CDHR1: variants seen among roughly 807,000 people sequenced by gnomAD.
CDHR1 encodes cadherin-related family member 1.
Under a neutral mutation model 72.1 loss-of-function variants are expected in CDHR1, and 61 were observed. That is an observed-to-expected ratio of 0.85 (90% CI 0.69 to 1.05). The LOEUF is 1.05. Among genes scored for constraint, CDHR1 ranks in the 50% least tolerant of loss-of-function variants. The pLI, the probability that CDHR1 is intolerant of heterozygous loss-of-function variation, is 0.00. For missense variants in CDHR1, 1,186 were observed against 1,115.7 expected (o/e 1.06, Z -0.90); for synonymous variants, 470 against 448.1 (o/e 1.05, Z -0.62).
In CDHR1 at chr10:84,217,561, G is replaced by T; in HGVS notation, c.*2940G>T. ...ACAGGGTGCAAAGTATGGTTGCAGA[G>T]AGGATGAAAAGATCTAATATATGTA... is the stretch of plus-strand genomic sequence containing the variant. On this transcript the variant is annotated 3_prime_UTR_variant, in exon 17 of 17. Transcript: ENST00000623527. 1.0e-6 allele frequency: 1 copy of T among 983,818 alleles called. No homozygotes were observed. The allele number at this position is 983,818 out of a possible 1,614,324, so 60.9% of individuals were successfully genotyped here.
rs1842432747 is a variant in CDHR1, at chr10:84,216,818, G to A, written c.*2197G>A. On this transcript the variant is annotated 3_prime_UTR_variant, in exon 17 of 17. Transcript: ENST00000623527. ...ATGGAACCTGGAGCTAGAATTAATT[G>A]CCCACTCTCCCACCCTACCAGTGCA... The A allele has an allele frequency of 1.0e-6, 1 of 985,498 alleles. No homozygotes were observed. The highest frequency in any genetic ancestry group is 1.7e-5 in the African/African-American group (1 of 57,374). 61.0% of individuals were successfully genotyped at this position (985,498 alleles called of 1,614,324 possible). A position where few individuals can be genotyped will look rare whatever the true frequency, so the allele number is the denominator to read the frequency against.
At position 84,195,582 on chromosome 10, in the gene CDHR1, C is replaced by T. The variant is rs570078445; in HGVS notation, c.144C>T (p.Thr48=). ...CTCTGTTCAGCCTCCCAGAGGACACCCCTGTAGGTGAGTAGCCCTGGCACC... is the reference window on the plus strand; with the variant it reads ...CTCTGTTCAGCCTCCCAGAGGACACTCCTGTAGGTGAGTAGCCCTGGCACC... The part of the protein sequence containing the change: ...NMALFSLPED[T]PVGSHVYTLN... The change falls in exon 2 of 17, where the codon ACC becomes ACT. Residue 48 remains threonine (T), a synonymous_variant. Coordinates refer to ENST00000623527, the MANE Select transcript of CDHR1 (RefSeq NM_033100.4). The T allele has an allele frequency of 1.9e-6, 3 of 1,613,592 alleles. No individual in the cohort carries two copies. The highest frequency in any genetic ancestry group is 2.2e-5 in the South Asian group (2 of 91,050).
Position 84,215,244 on chromosome 10 carries a change from C to T in CDHR1, c.*623C>T. On this transcript the variant is annotated 3_prime_UTR_variant, in exon 17 of 17. Coordinates refer to ENST00000623527, the MANE Select transcript of CDHR1 (RefSeq NM_033100.4). Reference sequence around the variant, plus strand: ...ATAGAGCATTCTGTCTGGGCAGAGACTGTGGACCCTGGTATGCCCACGTGG... The same window carrying T: ...ATAGAGCATTCTGTCTGGGCAGAGATTGTGGACCCTGGTATGCCCACGTGG... 1 of 991,630 alleles carries T rather than the reference C, an allele frequency of 1.0e-6. No individual in the cohort carries two copies. Among genetic ancestry groups the T allele is most frequent in the Non-Finnish European group, 1.2e-6 (1 of 833,614 alleles). 61.4% of individuals were successfully genotyped at this position (991,630 alleles called of 1,614,324 possible).
In CDHR1 at chr10:84,196,560, C is replaced by G; in HGVS notation, c.207C>G (p.Tyr69Ter). Residue 69 changes from tyrosine (Y) to a stop codon, truncating the protein, a stop_gained, in exon 3 of 17, where the codon TAC (tyrosine) becomes TAG (stop). Transcript: ENST00000623527. LOFTEE classifies it high-confidence loss of function. Reference protein sequence around the residue: ...GTDPEGDPISYHISFDPSTRS... With the variant: ...GTDPEGDPIS The stretch of plus-strand genomic sequence containing the variant: ...ACCCTGAGGGAGACCCCATCTCCTA[C>G]CACATCAGCTTTGACCCCAGCACTA... 6.2e-7 allele frequency: 1 copy of G among 1,614,230 alleles called. No homozygotes were observed. The highest frequency in any genetic ancestry group is 8.5e-7 in the Non-Finnish European group (1 of 1,180,028).
At chr10:84,212,510 C>A (rs908208462) in intron 15 of CDHR1, 103 bp downstream of exon 15, 1 of 920,762 alleles carries the variant, frequency 1.1e-6, no homozygotes, top group Non-Finnish European at 1.8e-6. Flanking sequence ...TTTTTGGCTT[C>A]CCACCATGGA....
At position 84,217,342 on chromosome 10, in the gene CDHR1, G is replaced by A; in HGVS notation, c.*2721G>A. 3 of 985,436 alleles carry A rather than the reference G, an allele frequency of 3.0e-6. No homozygotes were observed. Among genetic ancestry groups the A allele is most frequent in the African/African-American group, 1.7e-5 (1 of 57,360 alleles). 61.0% of individuals were successfully genotyped at this position (985,436 alleles called of 1,614,324 possible). ...CTGAGAATGGAGCTGTAGCCTCATGGACAATAAATGGATGTGACACCAAAT... is the reference window on the plus strand; with the variant it reads ...CTGAGAATGGAGCTGTAGCCTCATGAACAATAAATGGATGTGACACCAAAT... On this transcript the variant is annotated 3_prime_UTR_variant, in exon 17 of 17. Transcript: ENST00000623527.
chr10:84,218,331 G>T lies in CDHR1; in HGVS notation c.*3710G>T. On this transcript the variant is annotated 3_prime_UTR_variant, in exon 17 of 17. Coordinates refer to ENST00000623527, the MANE Select transcript of CDHR1 (RefSeq NM_033100.4). Reference sequence around the variant, plus strand: ...AGAGTAGCAACAGGCTGATGTTGGGGACATCGGTTTGATGTTATAAAATCG... The same window carrying T: ...AGAGTAGCAACAGGCTGATGTTGGGTACATCGGTTTGATGTTATAAAATCG... The T allele has an allele frequency of 1.0e-6, 1 of 985,406 alleles. No homozygotes were observed. Among genetic ancestry groups the T allele is most frequent in the Non-Finnish European group, 1.2e-6 (1 of 829,936 alleles). The allele number at this position is 985,406 out of a possible 1,614,324, so 61.0% of individuals were successfully genotyped here. A position where few individuals can be genotyped will look rare whatever the true frequency, so the allele number is the denominator to read the frequency against.
chr10:84,214,137 T>G lies in CDHR1; in HGVS notation c.2096T>G (p.Met699Arg). ...CTGATACAGACCAAGGACAACCCCATGAAGGCCGTGGGTGTGCTGGCCGGC... is the reference window on the plus strand; with the variant it reads ...CTGATACAGACCAAGGACAACCCCAGGAAGGCCGTGGGTGTGCTGGCCGGC... The part of the protein sequence containing the change: ...AFLIQTKDNP[M>R]KAVGVLAGTM... Residue 699 changes from methionine (M) to arginine (R), a missense_variant, in exon 17 of 17, where the codon ATG becomes AGG. Physicochemically the swap from Met to Arg is moderately conservative, Grantham distance 91 (BLOSUM62 -1). Coordinates refer to ENST00000623527, the MANE Select transcript of CDHR1 (RefSeq NM_033100.4). 3 of 1,614,168 alleles carry G rather than the reference T, an allele frequency of 1.9e-6. No homozygotes were observed. Among genetic ancestry groups the G allele is most frequent in the Non-Finnish European group, 2.5e-6 (3 of 1,180,022 alleles).
intron 10 of CDHR1, 45 bp downstream of exon 10, chr10:84,205,972 G>A (rs1344470400): frequency 2.7e-6 from 4 of 1,467,002 alleles, no homozygotes; most frequent in Non-Finnish European, 3.8e-6. Context: ...CTTTGGCCCT[G>A]GAAGTCTATA....
In CDHR1 at chr10:84,212,315, A is replaced by G; in HGVS notation, c.1690A>G (p.Ile564Val). 1 of 1,614,226 alleles carries G rather than the reference A, an allele frequency of 6.2e-7. No homozygotes were observed. Among genetic ancestry groups the G allele is most frequent in the Non-Finnish European group, 8.5e-7 (1 of 1,180,042 alleles). ...CAAGTACAGCGTAGCTGAGGTGTTT[A>G]TCACACTGCTGGATGTCAATGACCA... is the stretch of plus-strand genomic sequence containing the variant. ...EGKYSVAEVFITLLDVNDHPP... is the reference protein window; with the variant it reads ...EGKYSVAEVFVTLLDVNDHPP... The change falls in exon 15 of 17, where the codon ATC (isoleucine) becomes GTC (valine). Residue 564 changes from isoleucine to valine, a missense_variant. Ile to Val is a conservative substitution (Grantham distance 29). Transcript: ENST00000623527.
At chr10:84,198,918 G>GAA (rs917207220) in intron 4 of CDHR1, 114 bp from the exon 5 acceptor site, 5 of 799,896 alleles carry the variant, frequency 6.3e-6, no homozygotes, top group African/African-American at 5.1e-5. Flanking sequence ...GAGAGAGAGA[G>GAA]AGAGAGAGGA....
intron 8 of CDHR1, 55 bp downstream of exon 8, chr10:84,203,178 C>A (rs1473644100): frequency 3.7e-6 from 6 of 1,610,370 alleles, no homozygotes; most frequent in Non-Finnish European, 2.5e-6. Flanking sequence ...CTGCCCTGAC[C>A]CTTGTGATTT....
chr10:84,202,599 C>G (rs1301734260), intron 7 of CDHR1, among the ~76,000 whole-genome samples: 2 of 152,146 alleles, frequency 1.3e-5, no homozygotes, highest in East Asian at 3.9e-4. Flanking sequence ...ATGCTCAGTG[C>G]GGGGCCCAAG....
chr10:84,205,997 C>T, intron 10 of CDHR1, 70 bp downstream of exon 10: 1 of 1,199,970 alleles, frequency 8.3e-7, no homozygotes, highest in Non-Finnish European at 1.2e-6. Flanking sequence ...TGAAGACACC[C>T]AGGCCCTTTT....
downstream of CDHR1, chr10:84,219,354 A>C: frequency 6.6e-7 from 1 of 1,524,694 alleles, no homozygotes; most frequent in South Asian, 1.2e-5. Context: ...AAGCAACTGA[A>C]TACTTCCCTA....
At chr10:84,199,946 A>G (rs976421007) in intron 5 of CDHR1, among the ~76,000 whole-genome samples, 5 of 152,214 alleles carry the variant, frequency 3.3e-5, no homozygotes, top group African/African-American at 9.6e-5. Flanking sequence ...GCCGAGATGG[A>G]CAGATCACCT....
Position 84,202,873 on chromosome 10 carries a change from A to AGCTGG in CDHR1, c.640-106_640-102dup. 2.5e-6 allele frequency: 3 copies of AGCTGG among 1,213,188 alleles called. No homozygotes were observed. The East Asian group carries it at 7.2e-5, about 29-fold the overall frequency. 75.2% of individuals were successfully genotyped at this position (1,213,188 alleles called of 1,614,324 possible). A position where few individuals can be genotyped will look rare whatever the true frequency, so the allele number is the denominator to read the frequency against. The stretch of plus-strand genomic sequence containing the variant: ...AAGCAAACAGAAACTTGGAGAGGAC[A>AGCTGG]GCTGGCCTCACAGCCATAGGTGGCA... On this transcript the variant is annotated intron_variant, in intron 7 of 16. Coordinates refer to ENST00000623527, the MANE Select transcript of CDHR1 (RefSeq NM_033100.4).
intron 4 of CDHR1, among the ~76,000 whole-genome samples, chr10:84,198,537 A>C (rs74346246): frequency 0.16 from 24,602 of 152,184 alleles, 2,077 homozygotes; most frequent in Admixed American, 0.23. Flanking sequence ...TCCTGGCACA[A>C]CTTTCTACCT....
rs1394415592 is a variant in CDHR1 at position 84,216,224 on chromosome 10, G to T, written c.*1603G>T. On this transcript the variant is annotated 3_prime_UTR_variant, in exon 17 of 17. Coordinates refer to ENST00000623527, the MANE Select transcript of CDHR1 (RefSeq NM_033100.4). ...ATACATTGGTGATTTCATTTAAAGA[G>T]ATTGTATGCATTTGTGGCTTTCCTG... is the stretch of plus-strand genomic sequence containing the variant. 1.0e-6 allele frequency: 1 copy of T among 985,388 alleles called. No individual in the cohort carries two copies. Among genetic ancestry groups the T allele is most frequent in the African/African-American group, 1.7e-5 (1 of 57,256 alleles). The allele number at this position is 985,388 out of a possible 1,614,324, so 61.0% of individuals were successfully genotyped here.
Sources: allele counts gnomAD v4.1 joint callset (sites outside exome capture counted in the v4.1 genomes callset), GRCh38; gene constraint gnomAD v4.1.1; transcripts MANE v1.5; gene names NCBI Gene and HGNC (gene_info 2026-07-23, HGNC 2026-07-21).